The following GREM2 variants were observed in gnomAD, a reference collection of about 807,000 sequenced individuals.
The protein encoded by GREM2 is gremlin 2, DAN family BMP antagonist.
A neutral mutation model predicts 14.2 loss-of-function variants in GREM2; 11 were observed. The ratio of observed to expected loss-of-function variants is 0.78; its 90% CI spans 0.49 to 1.28. The LOEUF (loss-of-function observed/expected upper bound fraction) is 1.28, where lower values mean the gene tolerates loss of function less well. Ranked by LOEUF, GREM2 falls within the 50% of genes most tolerant of loss-of-function variation. The pLI, the probability that GREM2 is intolerant of heterozygous loss-of-function variation, is 0.00. For synonymous variants in GREM2, 98 were observed against 97.6 expected (o/e 1.00, Z -0.02); for missense variants, 210 against 218.5 (o/e 0.96, Z 0.24).
At chr1:240,574,084 C>A (rs1166002453) in intron 1 of GREM2, among the ~76,000 whole-genome samples, 1 of 151,994 alleles carries the variant, frequency 6.6e-6, no homozygotes, top group Admixed American at 6.6e-5. Context: ...CCATACCTGG[C>A]TAATTTTTTT....
chr1:240,510,784 G>C (rs1292940897), intron 1 of GREM2, among the ~76,000 whole-genome samples: 2 of 152,222 alleles, frequency 1.3e-5, no homozygotes, highest in Non-Finnish European at 2.9e-5. Flanking sequence ...AAATACGTAA[G>C]TGAAGGTTTT....
At chr1:240,544,622 A>T (rs1450642015) in intron 1 of GREM2, among the ~76,000 whole-genome samples, 1 of 152,212 alleles carries the variant, frequency 6.6e-6, no homozygotes, top group Admixed American at 6.5e-5. Context: ...CCTATTTATA[A>T]GAAAAACGAT....
intron 1 of GREM2, among the ~76,000 whole-genome samples, chr1:240,596,425 G>A (rs145973829): frequency 0.013 from 1,908 of 152,228 alleles, 19 homozygotes; most frequent in Middle Eastern, 0.038. Flanking sequence ...TGCCGGGCAC[G>A]GTAGTTCACT....
intron 1 of GREM2, among the ~76,000 whole-genome samples, chr1:240,519,427 T>A (rs1678026916): frequency 6.6e-6 from 1 of 152,094 alleles, no homozygotes; most frequent in Non-Finnish European, 1.5e-5. Flanking sequence ...GGACTTAGCC[T>A]TTATAACCAC....
intron 1 of GREM2, among the ~76,000 whole-genome samples, chr1:240,497,389 G>A (rs938640698): frequency 2.6e-5 from 4 of 152,208 alleles, no homozygotes; most frequent in African/African-American, 9.6e-5. Flanking sequence ...TTTCAGATCT[G>A]TATTTCTAAA....
At chr1:240,569,960 T>C (rs1333644631) in intron 1 of GREM2, among the ~76,000 whole-genome samples, 2 of 152,196 alleles carry the variant, frequency 1.3e-5, no homozygotes, top group African/African-American at 2.4e-5. Context: ...TGATTCTGTA[T>C]TGGGCTGTTG....
intron 1 of GREM2, among the ~76,000 whole-genome samples, chr1:240,582,080 A>G (rs574452850): frequency 6.6e-6 from 1 of 152,352 alleles, no homozygotes; most frequent in South Asian, 2.1e-4. Context: ...ACAAGTGTTC[A>G]GGTGATGCTG....
chr1:240,544,377 G>T (rs1045555506), intron 1 of GREM2, among the ~76,000 whole-genome samples: 4 of 152,080 alleles, frequency 2.6e-5, no homozygotes, highest in African/African-American at 9.7e-5. Context: ...TCGATCTCCT[G>T]ACCTCATGAT....
intron 1 of GREM2, among the ~76,000 whole-genome samples, chr1:240,507,393 C>T (rs1315784292): frequency 1.3e-5 from 2 of 150,066 alleles, no homozygotes; most frequent in Non-Finnish European, 1.5e-5. Context: ...TGCAGTGGTG[C>T]AATCTTGGCT....
chr1:240,604,844 A>G (rs1006540234), intron 1 of GREM2, among the ~76,000 whole-genome samples: 2 of 152,226 alleles, frequency 1.3e-5, no homozygotes, highest in Non-Finnish European at 2.9e-5. Context: ...TCCCCATCTA[A>G]TTAGGAATAA....
At chr1:240,503,468 T>C (rs1366255943) in intron 1 of GREM2, among the ~76,000 whole-genome samples, 1 of 152,212 alleles carries the variant, frequency 6.6e-6, no homozygotes, top group Non-Finnish European at 1.5e-5. Flanking sequence ...TGCAAATCTG[T>C]CTGTGTTATT....
intron 1 of GREM2, among the ~76,000 whole-genome samples, chr1:240,510,444 G>C (rs1422506230): frequency 6.9e-6 from 1 of 144,486 alleles, no homozygotes; most frequent in Non-Finnish European, 1.5e-5. Context: ...ACAGACTGCA[G>C]ACTGCTGGTT....
rs150841433 is a variant in GREM2, at chr1:240,514,518, C to T, written c.-1-21042G>A. Among the ~76,000 whole-genome samples, 778 of 152,166 alleles carry T rather than the reference C, an allele frequency of 5.1e-3. 7 individuals carry two copies. Among genetic ancestry groups the T allele is most frequent in the African/African-American group, 0.018 (727 of 41,524 alleles). On this transcript the variant is annotated intron_variant, in intron 1 of 1. Coordinates refer to ENST00000318160, the MANE Select transcript of GREM2 (RefSeq NM_022469.4). ...AGAACAATGCTTAAAGTTAGGGATACGGATGAACATATTTAAACAGAAACT... is the reference window on the plus strand; with the variant it reads ...AGAACAATGCTTAAAGTTAGGGATATGGATGAACATATTTAAACAGAAACT...
intron 1 of GREM2, among the ~76,000 whole-genome samples, chr1:240,604,787 T>C (rs1410275185): frequency 6.6e-6 from 1 of 152,158 alleles, no homozygotes. Context: ...GTGAGACCCA[T>C]CTCTTTGTAA....
intron 1 of GREM2, among the ~76,000 whole-genome samples, chr1:240,526,086 C>A (rs752198650): frequency 2.6e-5 from 4 of 152,154 alleles, no homozygotes; most frequent in Non-Finnish European, 5.9e-5. Context: ...GCCTGGATTA[C>A]CCGGGATAAT....
At chr1:240,521,306 C>T (rs143180833) in intron 1 of GREM2, among the ~76,000 whole-genome samples, 33 of 152,262 alleles carry the variant, frequency 2.2e-4, no homozygotes, top group Admixed American at 4.6e-4. Context: ...CGGTGGCTCA[C>T]GCCTGTAATC....
intron 1 of GREM2, among the ~76,000 whole-genome samples, chr1:240,579,301 A>G (rs1679435363): frequency 1.3e-5 from 2 of 152,160 alleles, no homozygotes; most frequent in South Asian, 4.1e-4. Flanking sequence ...CATCTTTTAA[A>G]TTTGTCATTT....
At chr1:240,590,944 G>A (rs1679700383) in intron 1 of GREM2, among the ~76,000 whole-genome samples, 1 of 151,794 alleles carries the variant, frequency 6.6e-6, no homozygotes, top group Admixed American at 6.6e-5. Context: ...TCCATGCCCG[G>A]CTAATTTTTG....
chr1:240,491,645 T>A lies in GREM2; in HGVS notation c.*1324A>T, dbSNP rs1677251971. On this transcript the variant is annotated 3_prime_UTR_variant, in exon 2 of 2. Transcript: ENST00000318160. Reference sequence around the variant, plus strand: ...GAACAGTTCAACTAGATTACTATTCTATATCTTTTATTCCTTACTCCCTTC... The same window carrying A: ...GAACAGTTCAACTAGATTACTATTCAATATCTTTTATTCCTTACTCCCTTC... 1.3e-5 allele frequency: 2 copies of A among 152,674 alleles called. No homozygotes were observed. Among genetic ancestry groups the A allele is most frequent in the African/African-American group, 2.4e-5 (1 of 41,464 alleles). 9.5% of individuals were successfully genotyped at this position (152,674 alleles called of 1,614,324 possible).
Sources: allele counts gnomAD v4.1 joint callset (sites outside exome capture counted in the v4.1 genomes callset), GRCh38; gene constraint gnomAD v4.1.1; transcripts MANE v1.5; gene names NCBI Gene and HGNC (gene_info 2026-07-23, HGNC 2026-07-21).